Variants in ANKRD22 observed in about 807,000 individuals in gnomAD.
ANKRD22 encodes the protein ankyrin repeat domain 22.
ANKRD22 carries 24 observed loss-of-function variants against 25.7 expected under a neutral mutation model. That is an observed-to-expected ratio of 0.93 (90% CI 0.68 to 1.31). The LOEUF is 1.31. Ranked by LOEUF, ANKRD22 falls within the 50% of genes most tolerant of loss-of-function variation. The pLI is 0.00. For synonymous variants in ANKRD22, 84 were observed against 84.3 expected (o/e 1.00, Z 0.02); for missense variants, 214 against 227.1 (o/e 0.94, Z 0.37).
At chr10:88,824,214 A>G (rs1026162661) in intron 4 of ANKRD22, among the ~76,000 whole-genome samples, 1 of 152,114 alleles carries the variant, frequency 6.6e-6, no homozygotes, top group African/African-American at 2.4e-5. Context: ...AAGCTAGTGC[A>G]TCTACTCTGT....
chr10:88,834,601 A>G (rs1263264970), intron 1 of ANKRD22, among the ~76,000 whole-genome samples: 1 of 152,210 alleles, frequency 6.6e-6, no homozygotes, highest in Non-Finnish European at 1.5e-5. Flanking sequence ...AAACTAGAAT[A>G]TTTCATGTAT....
chr10:88,850,220 G>T (rs1399106399), intron 1 of ANKRD22, among the ~76,000 whole-genome samples: 2 of 151,580 alleles, frequency 1.3e-5, no homozygotes, highest in Non-Finnish European at 1.5e-5. Flanking sequence ...TAGATGAAAG[G>T]TCCTACTTCC....
intron 3 of ANKRD22, among the ~76,000 whole-genome samples, chr10:88,828,102 T>A (rs559897418): frequency 6.6e-6 from 1 of 152,338 alleles, no homozygotes; most frequent in African/African-American, 2.4e-5. Context: ...TCTCAACAAG[T>A]ATCTTCTGTG....
chr10:88,846,796 G>A (rs910885359), intron 1 of ANKRD22, among the ~76,000 whole-genome samples: 2 of 152,062 alleles, frequency 1.3e-5, no homozygotes, highest in African/African-American at 4.8e-5. Context: ...GCTGAAGTCA[G>A]TGTCTTTCTG....
At chr10:88,827,207 C>T (rs1843863386) in intron 3 of ANKRD22, among the ~76,000 whole-genome samples, 1 of 125,868 alleles carries the variant, frequency 7.9e-6, no homozygotes, top group South Asian at 2.6e-4. Flanking sequence ...CTTTCTCTGC[C>T]TACTTTTCTC....
chr10:88,822,544 C>CTTTTTTTTTATT lies in ANKRD22; in HGVS notation c.*396_*397insAATAAAAAAAAA, dbSNP rs1843808831. On this transcript the variant is annotated 3_prime_UTR_variant, in exon 6 of 6. Coordinates refer to ENST00000371930, the MANE Select transcript of ANKRD22 (RefSeq NM_144590.3). ...AAAGACTGAGTTTGGAACACCAGGG[C>CTTTTTTTTTATT]TTTTTTTTTTTTTTTTTTTTTTGAG... The CTTTTTTTTTATT allele has an allele frequency of 2.7e-5, 1 of 36,438 alleles. No homozygotes were observed. The highest frequency in any genetic ancestry group is 8.0e-5 in the African/African-American group (1 of 12,514). The allele number at this position is 36,438 out of a possible 1,614,324, so 2.3% of individuals were successfully genotyped here. A position where few individuals can be genotyped will look rare whatever the true frequency, so the allele number is the denominator to read the frequency against.
At position 88,824,212 on chromosome 10, in the gene ANKRD22, GC is replaced by G. The variant is rs1173926623; in HGVS notation, c.400-835del. On this transcript the variant is annotated intron_variant, in intron 4 of 5. Coordinates refer to ENST00000371930, the MANE Select transcript of ANKRD22 (RefSeq NM_144590.3). ...CTTATATTATGTGTTATAAGCTAGT[GC>G]ATCTACTCTGTTGGTACTAATTTAA... Among the ~76,000 whole-genome samples the G allele has an allele frequency of 3.9e-4, 60 of 152,288 alleles. 1 individual carries two copies. The highest frequency in any genetic ancestry group is 1.4e-3 in the African/African-American group (60 of 41,556).
chr10:88,828,038 G>T (rs1164233649), intron 3 of ANKRD22, among the ~76,000 whole-genome samples: 1 of 152,150 alleles, frequency 6.6e-6, no homozygotes, highest in Non-Finnish European at 1.5e-5. Flanking sequence ...ATTGCTGTCT[G>T]CCAAGATTCA....
Position 88,822,544 on chromosome 10 carries a change from C to CGTTTTTTTTTTTTTT in ANKRD22, c.*396_*397insAAAAAAAAAAAAAAC. On this transcript the variant is annotated 3_prime_UTR_variant, in exon 6 of 6. Transcript: ENST00000371930. ...AAAGACTGAGTTTGGAACACCAGGG[C>CGTTTTTTTTTTTTTT]TTTTTTTTTTTTTTTTTTTTTTGAG... 2.7e-5 allele frequency: 1 copy of CGTTTTTTTTTTTTTT among 36,438 alleles called. No homozygotes were observed. Among genetic ancestry groups the CGTTTTTTTTTTTTTT allele is most frequent in the South Asian group, 1.3e-3 (1 of 754 alleles). 2.3% of individuals were successfully genotyped at this position (36,438 alleles called of 1,614,324 possible). A position where few individuals can be genotyped will look rare whatever the true frequency, so the allele number is the denominator to read the frequency against.
Position 88,834,907 on chromosome 10 carries a change from C to A in ANKRD22, c.22-2881G>T, listed in dbSNP as rs114085460. Among the ~76,000 whole-genome samples, 545 of 151,278 alleles carry A rather than the reference C, an allele frequency of 3.6e-3. 5 individuals carry two copies. Among genetic ancestry groups the A allele is most frequent in the African/African-American group, 0.012 (507 of 41,106 alleles). On this transcript the variant is annotated intron_variant, in intron 1 of 5. Coordinates refer to ENST00000371930, the MANE Select transcript of ANKRD22 (RefSeq NM_144590.3). The stretch of plus-strand genomic sequence containing the variant: ...TCGCGCCACTTCATTCCAGCCTGGG[C>A]GACACAGCGAAACTCTGCCTCAAAA...
chr10:88,850,919 G>A (rs1301353470), intron 1 of ANKRD22, among the ~76,000 whole-genome samples: 2 of 151,972 alleles, frequency 1.3e-5, no homozygotes, highest in Non-Finnish European at 2.9e-5. Flanking sequence ...AGTAAATTAT[G>A]TATAATGACA....
Position 88,832,006 on chromosome 10 carries a change from A to G in ANKRD22, c.42T>C (p.Tyr14=). 2 of 1,611,450 alleles carry G rather than the reference A, an allele frequency of 1.2e-6. No homozygotes were observed. Among genetic ancestry groups the G allele is most frequent in the Non-Finnish European group, 1.7e-6 (2 of 1,179,078 alleles). ...LYSEPICQAA[Y]QNDFGQVWRW... ...GCCACACTTGTCCAAAGTCATTCTGATAGGCTGCTTGGCAGATGGGCTGGG... is the reference window on the plus strand; with the variant it reads ...GCCACACTTGTCCAAAGTCATTCTGGTAGGCTGCTTGGCAGATGGGCTGGG... The change falls in exon 2 of 6, where the codon TAT becomes TAC. Residue 14 remains tyrosine, a synonymous_variant. Coordinates refer to ENST00000371930, the MANE Select transcript of ANKRD22 (RefSeq NM_144590.3).
chr10:88,833,350 AATC>A (rs1453110997), intron 1 of ANKRD22, among the ~76,000 whole-genome samples: 1 of 152,112 alleles, frequency 6.6e-6, no homozygotes, highest in African/African-American at 2.4e-5. Flanking sequence ...ATTCTTTAAT[AATC>A]AAGTCAAATC....
At position 88,822,747 on chromosome 10, in the gene ANKRD22, C is replaced by T. The variant is rs1324221620; in HGVS notation, c.*194G>A. 7.2e-6 allele frequency: 4 copies of T among 556,492 alleles called. No individual in the cohort carries two copies. Among genetic ancestry groups the T allele is most frequent in the South Asian group, 2.0e-5 (1 of 49,260 alleles). The allele number at this position is 556,492 out of a possible 1,614,324, so 34.5% of individuals were successfully genotyped here. On this transcript the variant is annotated 3_prime_UTR_variant, in exon 6 of 6. Transcript: ENST00000371930. ...TTTAGTGTTTCCCTTAGAAGGATTACGGCCATGGTGAACTTGACTGAGTAA... is the reference window on the plus strand; with the variant it reads ...TTTAGTGTTTCCCTTAGAAGGATTATGGCCATGGTGAACTTGACTGAGTAA...
Position 88,832,086 on chromosome 10 carries a change from GA to G in ANKRD22, c.22-61del, listed in dbSNP as rs371257710. 329 of 1,461,440 alleles carry G rather than the reference GA, an allele frequency of 2.3e-4. 1 individual carries two copies. In the Middle Eastern group the frequency reaches 2.5e-3, roughly 11 times the overall value. The allele number at this position is 1,461,440 out of a possible 1,614,324, so 90.5% of individuals were successfully genotyped here. On this transcript the variant is annotated intron_variant, in intron 1 of 5. Transcript: ENST00000371930. ...ACTGGCATAATTAAACCACAAAAAC[GA>G]AAAAAAAGTCATAACCCAATACATT...
intron 1 of ANKRD22, among the ~76,000 whole-genome samples, chr10:88,843,195 TA>T (rs1844017552): frequency 6.6e-6 from 1 of 152,178 alleles, no homozygotes; most frequent in Non-Finnish European, 1.5e-5. Flanking sequence ...CTCCTTTTCC[TA>T]AAATCAACTC....
chr10:88,822,907 T>A lies in ANKRD22; in HGVS notation c.*34A>T. 7.7e-6 allele frequency: 12 copies of A among 1,551,022 alleles called. No homozygotes were observed. Among genetic ancestry groups the A allele is most frequent in the South Asian group, 1.1e-5 (1 of 88,834 alleles). ...ATGAAGATAGAATCCAGTCGTTAAC[T>A]TTTTCTGTATCTCCATCGGTGTGGT... On this transcript the variant is annotated 3_prime_UTR_variant, in exon 6 of 6. Coordinates refer to ENST00000371930, the MANE Select transcript of ANKRD22 (RefSeq NM_144590.3).
intron 1 of ANKRD22, among the ~76,000 whole-genome samples, chr10:88,836,021 A>G (rs1843951142): frequency 6.6e-6 from 1 of 152,156 alleles, no homozygotes; most frequent in Non-Finnish European, 1.5e-5. Flanking sequence ...TAATAACTCT[A>G]TCCCCTAATA....
Position 88,851,599 on chromosome 10 carries a change from G to A in ANKRD22, c.9C>T (p.Ile3=). The A allele has an allele frequency of 1.2e-6, 2 of 1,613,380 alleles. No individual in the cohort carries two copies. Among genetic ancestry groups the A allele is most frequent in the East Asian group, 4.5e-5 (2 of 44,866 alleles). The change falls in exon 1 of 6, where the codon ATC becomes ATT. Residue 3 remains isoleucine, a synonymous_variant. Transcript: ENST00000371930. The part of the protein sequence containing the change: MG[I]LYSEPICQAA... ...AAAGGTGATGTACCTCAGAGTATAG[G>A]ATTCCCATGCTGGTCCTTCACAGGC...
Sources: allele counts gnomAD v4.1 joint callset (sites outside exome capture counted in the v4.1 genomes callset), GRCh38; gene constraint gnomAD v4.1.1; transcripts MANE v1.5; gene names NCBI Gene and HGNC (gene_info 2026-07-23, HGNC 2026-07-21).